The following FBP2 variants were observed in gnomAD, a reference collection of about 807,000 sequenced individuals.
The protein encoded by FBP2 is fructose-1,6-bisphosphatase isozyme 2.
A neutral mutation model predicts 31.6 loss-of-function variants in FBP2; 27 were observed. That is an observed-to-expected ratio of 0.85 (90% CI 0.63 to 1.18). FBP2 has a LOEUF of 1.18. Ranked by LOEUF, FBP2 falls within the 50% of genes most tolerant of loss-of-function variation. The pLI is 0.00. For synonymous variants in FBP2, 168 were observed against 179.8 expected (o/e 0.93, Z 0.53); for missense variants, 421 against 436.1 (o/e 0.97, Z 0.31).
chr9:94,569,254 G>C (rs501380), intron 4 of FBP2: 1 of 152,000 alleles, frequency 6.6e-6, no homozygotes, highest in African/African-American at 2.4e-5. Flanking sequence ...AGCACTGGGG[G>C]TGGTGTCCAG....
chr9:94,587,061 G>A (rs773347935), intron 2 of FBP2, among the ~76,000 whole-genome samples: 3 of 152,148 alleles, frequency 2.0e-5, no homozygotes, highest in Non-Finnish European at 4.4e-5. Context: ...ACGAACAAGC[G>A]CCCACTGAGG....
In FBP2 at chr9:94,587,341, T is replaced by A; in HGVS notation, c.299A>T (p.Asn100Ile). ...YSTCVLVSEE[N>I]KDAIITAKEK... ...CTTGGCGGTGATGATGGCGTCCTTATTCTCTTCTGAGACCAGGACGCAGGT... is the reference window on the plus strand; with the variant it reads ...CTTGGCGGTGATGATGGCGTCCTTAATCTCTTCTGAGACCAGGACGCAGGT... Residue 100 changes from asparagine to isoleucine, a missense_variant, in exon 2 of 7, where the codon AAT becomes ATT. Transcript: ENST00000375337. 1 of 1,613,662 alleles carries A rather than the reference T, an allele frequency of 6.2e-7. No individual in the cohort carries two copies. The highest frequency in any genetic ancestry group is 1.1e-5 in the South Asian group (1 of 90,974).
At chr9:94,574,339 C>T (rs1827296939) in intron 3 of FBP2, among the ~76,000 whole-genome samples, 1 of 152,118 alleles carries the variant, frequency 6.6e-6, no homozygotes, top group Admixed American at 6.5e-5. Context: ...ATAGCATTGT[C>T]TTTTCAACTT....
chr9:94,565,905 C>T (rs930978499), intron 5 of FBP2, among the ~76,000 whole-genome samples: 6 of 152,080 alleles, frequency 3.9e-5, no homozygotes, highest in African/African-American at 1.4e-4. Flanking sequence ...ACAATTTGCC[C>T]TTGACTAATT....
At chr9:94,573,196 A>ATGCT (rs1372392990) in intron 3 of FBP2, 4 of 152,152 alleles carry the variant, frequency 2.6e-5, no homozygotes, top group African/African-American at 9.6e-5. Context: ...ATTAAATGTA[A>ATGCT]TGCTAGCTGT....
At chr9:94,593,521 G>A (rs766329123) in intron 1 of FBP2, 36 bp downstream of exon 1, 7 of 1,588,962 alleles carry the variant, frequency 4.4e-6, no homozygotes, top group Non-Finnish European at 6.0e-6. Flanking sequence ...TGGGCCTGGG[G>A]TGCTCTGTGC....
intron 3 of FBP2, among the ~76,000 whole-genome samples, chr9:94,581,132 A>G (rs1263946220): frequency 6.6e-6 from 1 of 152,256 alleles, no homozygotes; most frequent in Non-Finnish European, 1.5e-5. Context: ...GGCTGGGCTT[A>G]TGATACTTTA....
intron 4 of FBP2, chr9:94,569,387 G>C (rs1827240733): frequency 6.6e-6 from 1 of 152,188 alleles, no homozygotes; most frequent in Non-Finnish European, 1.5e-5. Flanking sequence ...TCACTTAATT[G>C]AGCCGGGGTC....
chr9:94,582,242 A>C (rs988370034), intron 3 of FBP2, among the ~76,000 whole-genome samples: 1 of 152,222 alleles, frequency 6.6e-6, no homozygotes, highest in Non-Finnish European at 1.5e-5. Flanking sequence ...ATTCCACCCC[A>C]AAATAAACAT....
Position 94,587,433 on chromosome 9 carries a change from A to T in FBP2, c.207T>A (p.Asp69Glu). Residue 69 changes from aspartate to glutamate, a missense_variant, in exon 2 of 7, where the codon GAT (aspartate) becomes GAA (glutamate). Coordinates refer to ENST00000375337, the MANE Select transcript of FBP2 (RefSeq NM_003837.4). ...GIAGSVNVTGDEVKKLDVLSN... is the reference protein window; with the variant it reads ...GIAGSVNVTGEEVKKLDVLSN... ...ATAGCACATCCAGTTTCTTCACCTC[A>T]TCTCCCGTCACGTTAACGCTTCCTG... 2 of 1,614,038 alleles carry T rather than the reference A, an allele frequency of 1.2e-6. No homozygotes were observed. Among genetic ancestry groups the T allele is most frequent in the South Asian group, 1.1e-5 (1 of 91,068 alleles).
At chr9:94,569,891 C>T (rs553827145) in intron 4 of FBP2, 1 of 152,360 alleles carries the variant, frequency 6.6e-6, no homozygotes, top group East Asian at 1.9e-4. Context: ...AATGCTGCCT[C>T]CATAAGCTAC....
chr9:94,563,293 C>T (rs772758531), intron 6 of FBP2, 49 bp downstream of exon 6: 1 of 1,592,738 alleles, frequency 6.3e-7, no homozygotes, highest in Non-Finnish European at 8.6e-7. Context: ...GGAGGGAGCT[C>T]CCCCACCTCC....
At chr9:94,568,127 C>CA (rs34691750) in intron 4 of FBP2, 78,680 of 140,692 alleles carry the variant, frequency 0.56, 22,146 homozygotes, top group Admixed American at 0.63. Flanking sequence ...GACTCCATCT[C>CA]AAAAAAAAAA....
chr9:94,578,981 A>G (rs1180561105), intron 3 of FBP2, among the ~76,000 whole-genome samples: 7 of 138,902 alleles, frequency 5.0e-5, no homozygotes, highest in Admixed American at 3.0e-4. Context: ...TGAACCCGGA[A>G]GGCGGAGCTT....
At chr9:94,590,239 C>CT in intron 1 of FBP2, among the ~76,000 whole-genome samples, 1 of 152,184 alleles carries the variant, frequency 6.6e-6, no homozygotes, top group Non-Finnish European at 1.5e-5. Context: ...CTGACTGACA[C>CT]TAAAGCTAAC....
chr9:94,562,472 G>T (rs535896592), intron 6 of FBP2, among the ~76,000 whole-genome samples: 1 of 152,248 alleles, frequency 6.6e-6, no homozygotes, highest in South Asian at 2.1e-4. Flanking sequence ...CTCACATGAA[G>T]AGAAACACCT....
At chr9:94,576,942 A>G (rs1288130273) in intron 3 of FBP2, among the ~76,000 whole-genome samples, 1 of 151,598 alleles carries the variant, frequency 6.6e-6, no homozygotes, top group African/African-American at 2.4e-5. Context: ...TTGGGACTCT[A>G]CTCAGCCCTC....
At chr9:94,578,279 A>G (rs1164062927) in intron 3 of FBP2, among the ~76,000 whole-genome samples, 2 of 152,222 alleles carry the variant, frequency 1.3e-5, no homozygotes, top group African/African-American at 4.8e-5. Flanking sequence ...TGGCAAAATG[A>G]CCATGGATTT....
Position 94,588,702 on chromosome 9 carries a change from G to T in FBP2, c.171-1233C>A, listed in dbSNP as rs545743659. ...CACTTCCACCCTCGCCCCTTCAGGGGGTTCTCAACACACCAGCAGGAGGGG... is the reference window on the plus strand; with the variant it reads ...CACTTCCACCCTCGCCCCTTCAGGGTGTTCTCAACACACCAGCAGGAGGGG... On this transcript the variant is annotated intron_variant, in intron 1 of 6. Transcript: ENST00000375337. Among the ~76,000 whole-genome samples the T allele has an allele frequency of 2.0e-3, 307 of 152,244 alleles. 1 individual carries two copies. The highest frequency in any genetic ancestry group is 7.1e-3 in the African/African-American group (296 of 41,516).
Sources: allele counts gnomAD v4.1 joint callset (sites outside exome capture counted in the v4.1 genomes callset), GRCh38; gene constraint gnomAD v4.1.1; transcripts MANE v1.5; gene names NCBI Gene and HGNC (gene_info 2026-07-23, HGNC 2026-07-21).